Variants in LRP4 observed in about 807,000 individuals in gnomAD.
LRP4 encodes the protein low-density lipoprotein receptor-related protein 4.
LRP4 carries 95 observed loss-of-function variants against 220.3 expected under a neutral mutation model. That is an observed-to-expected ratio of 0.43 (90% CI 0.37 to 0.51). The LOEUF (loss-of-function observed/expected upper bound fraction) is 0.51. Ranked by LOEUF, LRP4 falls within the 20% of genes least tolerant of loss-of-function variation. The pLI is 0.00. For synonymous variants in LRP4, 903 were observed against 954.6 expected (o/e 0.95, Z 1.00); for missense variants, 1,925 against 2,567.0 (o/e 0.75, Z 5.40).
chr11:46,890,994 A>G lies in LRP4; in HGVS notation c.1698-500T>C, dbSNP rs899131280. Among the ~76,000 whole-genome samples, 2 of 152,038 alleles carry G rather than the reference A, an allele frequency of 1.3e-5. No homozygotes were observed. Among genetic ancestry groups the G allele is most frequent in the Admixed American group, 1.3e-4 (2 of 15,256 alleles). On this transcript the variant is annotated intron_variant, in intron 13 of 37. Coordinates refer to ENST00000378623, the MANE Select transcript of LRP4 (RefSeq NM_002334.4). The surrounding 1 kb of genome is among the most constrained non-coding windows in gnomAD (Gnocchi z 5.3). ...ATACTGGCAACAGGCAGGACATACT[A>G]TCTTAGGCACTGGAAATCTAGCAGT...
intron 18 of LRP4, among the ~76,000 whole-genome samples, chr11:46,885,772 C>CAAA (rs34867767): frequency 4.6e-4 from 26 of 57,142 alleles, no homozygotes; most frequent in African/African-American, 7.4e-4. Context: ...GACTCCGCCT[C>CAAA]AAAAAAAAAA....
At position 46,890,630 on chromosome 11, in the gene LRP4, T is replaced by A. The variant is rs573216500; in HGVS notation, c.1698-136A>T. The A allele has an allele frequency of 3.4e-5, 23 of 672,896 alleles. No individual in the cohort carries two copies. The highest frequency in any genetic ancestry group is 5.3e-5 in the Non-Finnish European group (20 of 380,748). 41.7% of individuals were successfully genotyped at this position (672,896 alleles called of 1,614,324 possible). On this transcript the variant is annotated intron_variant, in intron 13 of 37. Transcript: ENST00000378623. This position sits in a 1 kb window ranked among gnomAD's most constrained non-coding sequence, Gnocchi z 5.3. ...TGGTCCACAGAATGAATTTTTTTTT[T>A]AGACGGGGTCTCATTTTGTCACCCA...
At position 46,868,643 on chromosome 11, in the gene LRP4, T is replaced by C. The variant is rs17197270; in HGVS notation, c.4908A>G (p.Val1636=). 19 of 1,614,034 alleles carry C rather than the reference T, an allele frequency of 1.2e-5. No homozygotes were observed. Among genetic ancestry groups the C allele is most frequent in the Non-Finnish European group, 1.6e-5 (19 of 1,180,020 alleles). Residue 1636 remains valine, a synonymous_variant, in exon 33 of 38, where the codon GTA becomes GTG. Transcript: ENST00000378623. ...HLCFARASDF[V]CACPDEPDSR... ...TATCAGGTTCGTCAGGACAGGCACATACGAAGTCCGAGGCTCTGGCAAAGC... is the reference window on the plus strand; with the variant it reads ...TATCAGGTTCGTCAGGACAGGCACACACGAAGTCCGAGGCTCTGGCAAAGC...
chr11:46,877,618 C>A (rs985763217), intron 22 of LRP4, among the ~76,000 whole-genome samples: 2 of 152,120 alleles, frequency 1.3e-5, no homozygotes, highest in Non-Finnish European at 2.9e-5. Context: ...CAGGCACACA[C>A]CACCATGCCC....
chr11:46,911,022 A>G (rs535274369), intron 1 of LRP4, among the ~76,000 whole-genome samples: 1 of 152,316 alleles, frequency 6.6e-6, no homozygotes, highest in Admixed American at 6.5e-5. Context: ...AGCCAAGGAC[A>G]GGAGAGAGAA....
intron 6 of LRP4, 26 bp from the exon 7 acceptor site, chr11:46,898,703 C>T (rs768069786): frequency 6.8e-5 from 110 of 1,612,650 alleles, no homozygotes; most frequent in East Asian, 2.2e-5. Context: ...ACTTCTGTCT[C>T]TAGCCAGTCT....
rs1232243402 is a variant in LRP4 at position 46,896,899 on chromosome 11, T to A, written c.892A>T (p.Asn298Tyr). 1 of 1,614,256 alleles carries A rather than the reference T, an allele frequency of 6.2e-7. No homozygotes were observed. The highest frequency in any genetic ancestry group is 8.5e-7 in the Non-Finnish European group (1 of 1,180,044). ...RCDGEDDCAD[N>Y]SDEENCENTG... ...TTCTCACAGTTCTCTTCATCGCTGT[T>A]GTCTGCACAGTCGTCCTCCCCATCA... Residue 298 changes from asparagine (N) to tyrosine (Y), a missense_variant, in exon 8 of 38, where the codon AAC (asparagine) becomes TAC (tyrosine). Coordinates refer to ENST00000378623, the MANE Select transcript of LRP4 (RefSeq NM_002334.4).
chr11:46,867,270 C>G (rs1940729085), intron 34 of LRP4, among the ~76,000 whole-genome samples: 1 of 151,944 alleles, frequency 6.6e-6, no homozygotes, highest in Non-Finnish European at 1.5e-5. Context: ...CTAAGGCCAT[C>G]ATATCTCTGG....
intron 37 of LRP4, among the ~76,000 whole-genome samples, chr11:46,861,523 CT>C (rs576719115): frequency 0.016 from 1,352 of 83,420 alleles, 12 homozygotes; most frequent in African/African-American, 0.054. Flanking sequence ...GGAAATGGGA[CT>C]TTTTTTTTTT....
intron 36 of LRP4, 76 bp downstream of exon 36, chr11:46,864,372 G>C (rs765335815): frequency 4.4e-6 from 5 of 1,132,992 alleles, no homozygotes; most frequent in Non-Finnish European, 6.7e-6. Flanking sequence ...TCAGTGAACT[G>C]CAGAGCTTCG....
chr11:46,868,164 C>T, intron 33 of LRP4, 50 bp from the exon 34 acceptor site: 1 of 1,611,186 alleles, frequency 6.2e-7, no homozygotes, highest in Non-Finnish European at 8.5e-7. Context: ...TAAACATCTA[C>T]ATATGGCCCA....
In LRP4 at chr11:46,918,487, G is replaced by C. The variant is rs1941987998; in HGVS notation, c.-108C>G. The C allele has an allele frequency of 2.4e-5, 18 of 760,086 alleles. 1 individual carries two copies. The South Asian group carries it at 1.1e-3, about 47-fold the overall frequency. The allele number at this position is 760,086 out of a possible 1,614,324, so 47.1% of individuals were successfully genotyped here. ...GGGGAAGCGTCCCGGGTGCACGGCG[G>C]CCTGCGCGCCCCGCAAGTCGCCCTC... is the stretch of plus-strand genomic sequence containing the variant. On this transcript the variant is annotated 5_prime_UTR_variant, in exon 1 of 38. Transcript: ENST00000378623. This position sits in a 1 kb window ranked among gnomAD's most constrained non-coding sequence, Gnocchi z 6.0.
chr11:46,859,006 G>A lies in LRP4; in HGVS notation c.5695C>T (p.Leu1899Phe), dbSNP rs1316612833. 1 of 1,614,108 alleles carries A rather than the reference G, an allele frequency of 6.2e-7. No individual in the cohort carries two copies. Among genetic ancestry groups the A allele is most frequent in the Admixed American group, 1.7e-5 (1 of 60,022 alleles). Residue 1899 changes from leucine to phenylalanine, a missense_variant, in exon 38 of 38, where the codon CTC becomes TTC. Physicochemically the swap from Leu to Phe is conservative, Grantham distance 22. This residue lies in a region of LRP4 where 1,244 missense variants were observed against 1,624.9 expected (regional missense o/e 0.77). Coordinates refer to ENST00000378623, the MANE Select transcript of LRP4 (RefSeq NM_002334.4). Reference sequence around the variant, plus strand: ...ATTTAGACCTGGCTCTCTGAGGAGAGCTTGCGTTCATGTTTCCAGCCCGTG... The same window carrying A: ...ATTTAGACCTGGCTCTCTGAGGAGAACTTGCGTTCATGTTTCCAGCCCGTG... ...PDTGWKHERK[L>F]SSESQV
chr11:46,888,573 A>AAAAAAAAAC (rs1565792099), intron 16 of LRP4, among the ~76,000 whole-genome samples: 1 of 150,104 alleles, frequency 6.7e-6, no homozygotes, highest in Non-Finnish European at 1.5e-5. Context: ...AAAAAAAAAA[A>AAAAAAAAAC]GAATGCAAGG....
rs896972689 is a variant in LRP4, at chr11:46,896,249, A to C, written c.1009T>G (p.Cys337Gly). The change falls in exon 9 of 38, where the codon TGT (cysteine) becomes GGT (glycine). Residue 337 changes from cysteine (C) to glycine (G), a missense_variant. Physicochemically the swap from Cys to Gly is radical, Grantham distance 159 (BLOSUM62 -3). Around this residue, in one of 3 missense-constraint regions of LRP4, gnomAD observed 412 missense variants for 505.4 expected, o/e 0.82. Coordinates refer to ENST00000378623, the MANE Select transcript of LRP4 (RefSeq NM_002334.4). ...GGGCTTTCGTCGCTGTTGTCACCAC[A>C]GTCGTTGACCCCGTTGCACAGCTTC... ...QRKLCNGVNDCGDNSDESPQQ... is the reference protein window; with the variant it reads ...QRKLCNGVNDGGDNSDESPQQ... 1.2e-6 allele frequency: 2 copies of C among 1,614,182 alleles called. No individual in the cohort carries two copies. The highest frequency in any genetic ancestry group is 1.7e-6 in the Non-Finnish European group (2 of 1,180,046).
At chr11:46,889,164 CAT>C (rs928803589) in intron 16 of LRP4, among the ~76,000 whole-genome samples, 14 of 152,214 alleles carry the variant, frequency 9.2e-5, no homozygotes, top group Non-Finnish European at 1.5e-4. Flanking sequence ...TAAAATGATA[CAT>C]GAGCCTCACT....
chr11:46,865,767 C>T (rs1169217881), intron 34 of LRP4, among the ~76,000 whole-genome samples: 1 of 152,152 alleles, frequency 6.6e-6, no homozygotes, highest in Non-Finnish European at 1.5e-5. Flanking sequence ...CATTTGGAAC[C>T]AAGATGCACT....
At chr11:46,888,548 CAAAAAAAAAAA>C (rs71042635) in intron 16 of LRP4, among the ~76,000 whole-genome samples, 2,877 of 31,408 alleles carry the variant, frequency 0.092, 147 homozygotes, top group African/African-American at 0.2. Flanking sequence ...AAAACTGTCT[CAAAAAAAAAAA>C]AAAAAAAAAA....
At chr11:46,887,869 G>T (rs1728735444) in intron 16 of LRP4, among the ~76,000 whole-genome samples, 1 of 151,554 alleles carries the variant, frequency 6.6e-6, no homozygotes, top group Non-Finnish European at 1.5e-5. Context: ...CACAAAATTC[G>T]CCAGGTGTGA....
Sources: gnomAD v4.1 joint callset for allele counts (sites outside exome capture counted in the v4.1 genomes callset) on GRCh38, gnomAD v4.1.1 for gene constraint, gnomAD v4.1.1 regional missense constraint, Gnocchi (gnomAD v3.1) non-coding constraint, MANE v1.5 for transcripts, NCBI Gene and HGNC (gene_info 2026-07-23, HGNC 2026-07-21) for gene names.